TSC2: variants seen among roughly 807,000 people sequenced by gnomAD.
The protein encoded by TSC2 is TSC complex subunit 2.
Under a neutral mutation model 202.2 loss-of-function variants are expected in TSC2, and 29 were observed. That is an observed-to-expected ratio of 0.14 (90% CI 0.11 to 0.20). The LOEUF (loss-of-function observed/expected upper bound fraction) is 0.20, where lower values mean the gene tolerates loss of function less well. Ranked by LOEUF, TSC2 falls within the 10% of genes least tolerant of loss-of-function variation. The probability of loss-of-function intolerance (pLI) is 1.00; values close to 1 mark genes in which losing one functional copy is unlikely to be tolerated. For synonymous variants in TSC2, 1,349 were observed against 1,044.0 expected, an observed-to-expected ratio of 1.29 and a Z score of -5.63; for missense variants, 2,429 against 2,420.0, an observed-to-expected ratio of 1.00 and a Z score of -0.08.
At chr16:2,083,322 C>T (rs931225088) in intron 32 of TSC2, 53 of 457,658 alleles carry the variant, frequency 1.2e-4, no homozygotes, top group Non-Finnish European at 2.0e-4. Context: ...GGAGTCTCCG[C>T]AGCTCTCCTC....
chr16:2,048,027 C>A lies in TSC2; in HGVS notation c.-68C>A. 1 of 1,441,418 alleles carries A rather than the reference C, an allele frequency of 6.9e-7. No homozygotes were observed. 89.3% of individuals were successfully genotyped at this position (1,441,418 alleles called of 1,614,324 possible). On this transcript the variant is annotated 5_prime_UTR_variant, in exon 1 of 42. Coordinates refer to ENST00000219476, the MANE Select transcript of TSC2 (RefSeq NM_000548.5). The stretch of plus-strand genomic sequence containing the variant: ...GGGGCCAGGGGGGTGCGCCTTTCTC[C>A]GCGTCGGGGCGGCCCGGAGCGCGGT...
chr16:2,079,165 G>A lies in TSC2; in HGVS notation c.3100G>A (p.Val1034Ile), dbSNP rs146745242. The change falls in exon 27 of 42, where the codon GTC becomes ATC. Residue 1034 changes from valine (V) to isoleucine (I), a missense_variant. Coordinates refer to ENST00000219476, the MANE Select transcript of TSC2 (RefSeq NM_000548.5). This position sits in a 1 kb window ranked among gnomAD's most constrained non-coding sequence, Gnocchi z 4.6. Reference sequence around the variant, plus strand: ...CTGTCTGGACATGATGGCTCGATACGTCTTCTCCAACTTCACGGCTGTCCC... The same window carrying A: ...CTGTCTGGACATGATGGCTCGATACATCTTCTCCAACTTCACGGCTGTCCC... Reference protein sequence around the residue: ...ETCLDMMARYVFSNFTAVPKR... With the variant: ...ETCLDMMARYIFSNFTAVPKR... The A allele has an allele frequency of 4.6e-5, 74 of 1,612,816 alleles. 2 individuals carry two copies. Among genetic ancestry groups the A allele is most frequent in the South Asian group, 1.6e-4 (15 of 91,088 alleles).
rs1385373190 is a variant in TSC2 at position 2,070,483 on chromosome 16, C to T, written c.1744C>T (p.His582Tyr). 5.0e-6 allele frequency: 8 copies of T among 1,613,416 alleles called. No homozygotes were observed. Among genetic ancestry groups the T allele is most frequent in the Non-Finnish European group, 5.9e-6 (7 of 1,180,030 alleles). Reference protein sequence around the residue: ...QTKLYTLPASHATRVYEMLVS... With the variant: ...QTKLYTLPASYATRVYEMLVS... ...CAAGCTGTACACCCTGCCTGCAAGC[C>T]ACGCCACGCGTGTGTATGAGATGCT... The change falls in exon 17 of 42, where the codon CAC (histidine) becomes TAC (tyrosine). Residue 582 changes from histidine (H) to tyrosine (Y), a missense_variant. Coordinates refer to ENST00000219476, the MANE Select transcript of TSC2 (RefSeq NM_000548.5).
At chr16:2,061,772 T>C in intron 11 of TSC2, 99 bp from the exon 12 acceptor site, 1 of 1,599,732 alleles carries the variant, frequency 6.3e-7, no homozygotes, top group Non-Finnish European at 8.5e-7. Context: ...CTGAGAGGGC[T>C]GAGGGTGTCT....
Position 2,058,782 on chromosome 16 carries a change from C to T in TSC2, c.884C>T (p.Ala295Val), listed in dbSNP as rs1596288578. The stretch of plus-strand genomic sequence containing the variant: ...GAGGACGCGCCCCTGCTGAGAGGAG[C>T]CGTGTTTTTTGTGGGCATGGCTCTC... The part of the protein sequence containing the change: ...YMEDAPLLRG[A>V]VFFVGMALWG... The change falls in exon 10 of 42, where the codon GCC (alanine) becomes GTC (valine). Residue 295 changes from alanine (A) to valine (V), a missense_variant. Coordinates refer to ENST00000219476, the MANE Select transcript of TSC2 (RefSeq NM_000548.5). The T allele has an allele frequency of 6.3e-7, 1 of 1,593,246 alleles. No individual in the cohort carries two copies. Among genetic ancestry groups the T allele is most frequent in the South Asian group, 1.1e-5 (1 of 87,852 alleles).
At chr16:2,077,813 A>G (rs2089615071) in intron 26 of TSC2, 87 bp downstream of exon 26, 1 of 1,588,872 alleles carries the variant, frequency 6.3e-7, no homozygotes, top group African/African-American at 1.4e-5. Context: ...TGCTTGCATG[A>G]CCTCATCGTC....
chr16:2,075,141 T>A (rs1181656586), intron 22 of TSC2: 2 of 153,074 alleles, frequency 1.3e-5, no homozygotes, highest in African/African-American at 5.0e-5. Context: ...GAGAATCTCA[T>A]GAACCCAGGA....
chr16:2,049,109 T>G (rs2084758340), intron 2 of TSC2, among the ~76,000 whole-genome samples: 1 of 152,012 alleles, frequency 6.6e-6, no homozygotes, highest in Non-Finnish European at 1.5e-5. Context: ...TTTTTGAGAC[T>G]GAGTCTTGCT....
intron 16 of TSC2, among the ~76,000 whole-genome samples, chr16:2,069,681 C>T (rs140437858): frequency 0.05 from 7,624 of 152,252 alleles, 257 homozygotes; most frequent in Middle Eastern, 0.088. Flanking sequence ...AGGGTTTCAC[C>T]ATGTTAGCCA....
intron 13 of TSC2, 25 bp from the exon 14 acceptor site, chr16:2,062,947 G>C: frequency 6.5e-7 from 1 of 1,547,282 alleles, no homozygotes; most frequent in Non-Finnish European, 8.7e-7. Context: ...CTCCCCACCC[G>C]CCCCAGCAGG....
chr16:2,058,707 G>T, intron 9 of TSC2, 40 bp from the exon 10 acceptor site: 1 of 1,557,624 alleles, frequency 6.4e-7, no homozygotes, highest in Non-Finnish European at 8.7e-7. Context: ...CCTGGGACAG[G>T]GCCCTGCTCA....
chr16:2,069,589 C>A (rs1223873928), intron 16 of TSC2, among the ~76,000 whole-genome samples: 1 of 152,128 alleles, frequency 6.6e-6, no homozygotes, highest in Non-Finnish European at 1.5e-5. Flanking sequence ...ACGCCATTCT[C>A]CTGCCTCAGC....
chr16:2,053,812 T>G, intron 4 of TSC2: 1 of 513,314 alleles, frequency 1.9e-6, no homozygotes, highest in Non-Finnish European at 3.8e-6. Flanking sequence ...GCTCACTGCA[T>G]TCCATCTGTG....
At chr16:2,051,859 G>A (rs2085166054) in intron 3 of TSC2, among the ~76,000 whole-genome samples, 2 of 152,250 alleles carry the variant, frequency 1.3e-5, no homozygotes, top group African/African-American at 4.8e-5. Context: ...GAGGTGAGGA[G>A]TTCGAGACCC....
In TSC2 at chr16:2,079,010, T is replaced by C; in HGVS notation, c.2967-22T>C. ...CCCGCCCTACCTGGCACCCTGACCC[T>C]GGTCACGGCCTCTCCCTCCAGCAGG... is the stretch of plus-strand genomic sequence containing the variant. On this transcript the variant is annotated intron_variant, in intron 26 of 41. Coordinates refer to ENST00000219476, the MANE Select transcript of TSC2 (RefSeq NM_000548.5). This position sits in a 1 kb window ranked among gnomAD's most constrained non-coding sequence, Gnocchi z 4.6. 6.2e-7 allele frequency: 1 copy of C among 1,611,880 alleles called. No homozygotes were observed. Among genetic ancestry groups the C allele is most frequent in the Non-Finnish European group, 8.5e-7 (1 of 1,179,966 alleles).
intron 14 of TSC2, chr16:2,063,592 C>T (rs1333694510): frequency 4.2e-6 from 1 of 236,928 alleles, no homozygotes. Flanking sequence ...TCCCTTCCCA[C>T]CGAACTCCTC....
chr16:2,062,049 G>C (rs771610733), intron 12 of TSC2, 41 bp downstream of exon 12: 3 of 1,613,136 alleles, frequency 1.9e-6, no homozygotes, highest in Non-Finnish European at 2.5e-6. Context: ...GCTTTGGCTG[G>C]TGGGGAGGGG....
At chr16:2,063,986 A>G in intron 14 of TSC2, 1 of 515,638 alleles carries the variant, frequency 1.9e-6, no homozygotes, top group African/African-American at 1.9e-5. Flanking sequence ...AGTGAAGGGC[A>G]GGGCCTCACC....
chr16:2,054,148 G>C, intron 4 of TSC2, 148 bp from the exon 5 acceptor site: 9 of 1,274,368 alleles, frequency 7.1e-6, no homozygotes, highest in Non-Finnish European at 1.0e-5. Context: ...CAATGCTGAT[G>C]CTGCAGACCT....
Sources: allele counts gnomAD v4.1 joint callset (sites outside exome capture counted in the v4.1 genomes callset), GRCh38; gene constraint gnomAD v4.1.1; non-coding constraint Gnocchi (gnomAD v3.1); transcripts MANE v1.5; gene names NCBI Gene and HGNC (gene_info 2026-07-23, HGNC 2026-07-21).